Variants in MME observed in about 807,000 individuals in gnomAD.
The protein encoded by MME is neprilysin.
Under a neutral mutation model 113.2 loss-of-function variants are expected in MME, and 98 were observed. The observed-to-expected ratio is 0.87, with a 90% CI of 0.74 to 1.02. The LOEUF is 1.02. Among genes scored for constraint, MME ranks in the 50% least tolerant of loss-of-function variants. The pLI, the probability that MME is intolerant of heterozygous loss-of-function variation, is 0.00. For synonymous variants in MME, 292 were observed against 300.6 expected, an observed-to-expected ratio of 0.97 and a Z score of 0.30; for missense variants, 836 against 896.0, an observed-to-expected ratio of 0.93 and a Z score of 0.86.
chr3:155,040,861 A>G (rs965068422), intron 1 of MME, among the ~76,000 whole-genome samples: 3 of 152,142 alleles, frequency 2.0e-5, no homozygotes, highest in African/African-American at 7.2e-5. Flanking sequence ...TATTACTCAA[A>G]ATTTATATTT....
intron 1 of MME, among the ~76,000 whole-genome samples, chr3:155,030,720 C>G (rs1712942695): frequency 6.6e-6 from 1 of 152,110 alleles, no homozygotes; most frequent in African/African-American, 2.4e-5. Context: ...AAAGACAGCT[C>G]AAAGAAAGAA....
At chr3:155,068,750 A>C (rs1714463714) in intron 1 of MME, among the ~76,000 whole-genome samples, 1 of 152,238 alleles carries the variant, frequency 6.6e-6, no homozygotes, top group Non-Finnish European at 1.5e-5. Context: ...GTTTCTATTT[A>C]ATCGACCAGG....
intron 1 of MME, among the ~76,000 whole-genome samples, chr3:155,054,468 G>A (rs187250881): frequency 7.8e-4 from 118 of 152,132 alleles, no homozygotes; most frequent in African/African-American, 2.5e-3. Flanking sequence ...GGACAATCAC[G>A]GATAGATTAC....
intron 19 of MME, 48 bp downstream of exon 19, chr3:155,168,673 A>C (rs768383138): frequency 6.2e-7 from 1 of 1,612,824 alleles, no homozygotes; most frequent in South Asian, 1.1e-5. Context: ...GTTCAATCTT[A>C]AGTGTATTAT....
At chr3:155,141,452 A>G (rs1721080033) in intron 10 of MME, among the ~76,000 whole-genome samples, 1 of 152,192 alleles carries the variant, frequency 6.6e-6, no homozygotes, top group Non-Finnish European at 1.5e-5. Context: ...CTTCTGAAGT[A>G]TAAACATGGC....
intron 8 of MME, among the ~76,000 whole-genome samples, chr3:155,134,387 G>A (rs1286662767): frequency 6.6e-6 from 1 of 151,976 alleles, no homozygotes; most frequent in Admixed American, 6.6e-5. Flanking sequence ...GAGAACATGT[G>A]GTATTTGGTT....
At chr3:155,124,475 T>G (rs1719426365) in intron 8 of MME, among the ~76,000 whole-genome samples, 1 of 152,196 alleles carries the variant, frequency 6.6e-6, no homozygotes, top group African/African-American at 2.4e-5. Context: ...ACTGCGTTCC[T>G]TTGGAGGAGG....
chr3:155,111,582 C>T (rs1384076619), intron 3 of MME, among the ~76,000 whole-genome samples: 2 of 152,186 alleles, frequency 1.3e-5, no homozygotes, highest in African/African-American at 2.4e-5. Context: ...AGAATTTGCA[C>T]TCATGATCAG....
chr3:155,116,805 A>G (rs1718652261), intron 6 of MME, 46 bp downstream of exon 6: 3 of 1,568,248 alleles, frequency 1.9e-6, no homozygotes, highest in Non-Finnish European at 2.6e-6. Flanking sequence ...TGTAAAATCT[A>G]TGTTATAATA....
intron 3 of MME, among the ~76,000 whole-genome samples, chr3:155,108,607 A>C (rs1188700585): frequency 1.3e-5 from 2 of 152,038 alleles, no homozygotes; most frequent in African/African-American, 4.8e-5. Flanking sequence ...AAAAAAAAAA[A>C]AAACAAATTA....
chr3:155,065,360 A>C (rs1283400716), intron 1 of MME, among the ~76,000 whole-genome samples: 1 of 152,186 alleles, frequency 6.6e-6, no homozygotes, highest in African/African-American at 2.4e-5. Flanking sequence ...TTAAGGACCT[A>C]CCAGAATGGC....
chr3:155,031,125 A>G, intron 1 of MME, among the ~76,000 whole-genome samples: 1 of 152,204 alleles, frequency 6.6e-6, no homozygotes, highest in South Asian at 2.1e-4. Flanking sequence ...AATGTTGCTT[A>G]GCTAATCCCT....
At chr3:155,082,223 G>A (rs1715213996) in intron 1 of MME, among the ~76,000 whole-genome samples, 1 of 151,894 alleles carries the variant, frequency 6.6e-6, no homozygotes, top group Non-Finnish European at 1.5e-5. Context: ...TACTTTACAG[G>A]GACACTGACT....
chr3:155,116,402 CTGCAAATGAGCAATTATGTTTGCATAG>C (rs1378887253), intron 4 of MME, 50 bp from the exon 5 acceptor site: 84 of 1,102,420 alleles, frequency 7.6e-5, no homozygotes, highest in Non-Finnish European at 1.0e-4. Context: ...ATGTTAATTA[CTGCAAATGAGCAATTATGTTTGCATAG>C]TGCAAATGAG....
intron 22 of MME, among the ~76,000 whole-genome samples, chr3:155,176,994 C>T (rs775364506): frequency 1.3e-5 from 2 of 152,092 alleles, no homozygotes; most frequent in African/African-American, 2.4e-5. Flanking sequence ...GAGTGCACAC[C>T]AGGCTGAGTA....
intron 22 of MME, among the ~76,000 whole-genome samples, chr3:155,179,574 A>C (rs1444152640): frequency 6.6e-6 from 1 of 152,140 alleles, no homozygotes; most frequent in East Asian, 1.9e-4. Flanking sequence ...CCTCCTCCCA[A>C]CCCAAGCAAA....
intron 20 of MME, among the ~76,000 whole-genome samples, chr3:155,169,137 A>G (rs1711632398): frequency 6.6e-6 from 1 of 152,210 alleles, no homozygotes; most frequent in South Asian, 2.1e-4. Flanking sequence ...GAAATGTCCC[A>G]TAAGAAGGAT....
At position 155,142,095 on chromosome 3, in the gene MME, A is replaced by T. The variant is rs749969285; in HGVS notation, c.1062A>T (p.Lys354Asn). Reference protein sequence around the residue: ...VVVYAPEYLTKLKPILTKYSA... With the variant: ...VVVYAPEYLTNLKPILTKYSA... ...TTTATGCTCCAGAATATTTAACCAA[A>T]CTTAAGCCCATTCTTACCAAATATT... Residue 354 changes from lysine to asparagine, a missense_variant, in exon 11 of 23, where the codon AAA (lysine) becomes AAT (asparagine). Transcript: ENST00000360490. The T allele has an allele frequency of 1.2e-6, 2 of 1,613,842 alleles. No individual in the cohort carries two copies. Among genetic ancestry groups the T allele is most frequent in the South Asian group, 2.2e-5 (2 of 91,082 alleles).
rs139111691 is a variant in MME, at chr3:155,053,957, C to T, written c.-11+29633C>T. On this transcript the variant is annotated intron_variant, in intron 1 of 22. Transcript: ENST00000492661. ...CAAACCAGTAACCCTTTTATAACTT[C>T]CAATTTCTCCCTATGGAAATGAAAA... Among the ~76,000 whole-genome samples the T allele has an allele frequency of 2.8e-3, 430 of 152,286 alleles. 3 individuals are homozygous for T. Among genetic ancestry groups the T allele is most frequent in the African/African-American group, 9.9e-3 (413 of 41,556 alleles).
Sources: gnomAD v4.1 joint callset for allele counts (sites outside exome capture counted in the v4.1 genomes callset) on GRCh38, gnomAD v4.1.1 for gene constraint, MANE v1.5 for transcripts, NCBI Gene and HGNC (gene_info 2026-07-23, HGNC 2026-07-21) for gene names.